POU6F2: variants seen among roughly 807,000 people sequenced by gnomAD.
The protein encoded by POU6F2 is POU domain, class 6, transcription factor 2.
In POU6F2, 31 loss-of-function variants were observed where a neutral mutation model predicts 71.3. The ratio of observed to expected loss-of-function variants is 0.43; its 90% CI spans 0.33 to 0.59. The LOEUF is 0.59. Among genes scored for constraint, POU6F2 ranks in the 20% least tolerant of loss-of-function variants. The pLI is 0.04. For missense variants in POU6F2, 783 were observed against 856.8 expected (o/e 0.91, Z 1.07); for synonymous variants, 347 against 355.7 (o/e 0.98, Z 0.27).
intron 4 of POU6F2, among the ~76,000 whole-genome samples, chr7:39,263,736 G>A (rs1784187532): frequency 6.6e-6 from 1 of 152,152 alleles, no homozygotes; most frequent in African/African-American, 2.4e-5. Context: ...ATTGCAACCT[G>A]ATAGAATGCA....
chr7:39,008,928 T>G (rs1385437802), intron 1 of POU6F2, among the ~76,000 whole-genome samples: 3 of 151,456 alleles, frequency 2.0e-5, no homozygotes, highest in African/African-American at 7.3e-5. Context: ...TACTGTAGCC[T>G]TGTAGTATAG....
At chr7:39,020,244 T>A (rs1398838066) in intron 1 of POU6F2, among the ~76,000 whole-genome samples, 4 of 152,178 alleles carry the variant, frequency 2.6e-5, no homozygotes, top group Non-Finnish European at 5.9e-5. Context: ...CATCTCTTTA[T>A]AATGCTGCAT....
chr7:39,373,596 C>G (rs931737126), intron 5 of POU6F2: 13 of 454,620 alleles, frequency 2.9e-5, no homozygotes, highest in Middle Eastern at 6.5e-4. Context: ...CCTACCTAGT[C>G]TAGCTAACTG....
intron 2 of POU6F2, among the ~76,000 whole-genome samples, chr7:39,103,301 G>A (rs11761599): frequency 0.11 from 16,902 of 152,188 alleles, 1,028 homozygotes; most frequent in Middle Eastern, 0.15. Context: ...TGGTAGCATC[G>A]CCTGTTGTAG....
At chr7:39,350,212 T>C (rs1326189306) in intron 5 of POU6F2, among the ~76,000 whole-genome samples, 3 of 152,206 alleles carry the variant, frequency 2.0e-5, no homozygotes, top group African/African-American at 7.2e-5. Flanking sequence ...CCTTTTTTTT[T>C]TTCTCAGCTG....
intron 5 of POU6F2, among the ~76,000 whole-genome samples, chr7:39,388,878 A>C (rs565607065): frequency 2.0e-5 from 3 of 152,356 alleles, no homozygotes; most frequent in African/African-American, 7.2e-5. Flanking sequence ...TAGGTGACAA[A>C]GTTCATGAGA....
At chr7:39,012,283 A>C (rs1176205430) in intron 1 of POU6F2, among the ~76,000 whole-genome samples, 1 of 151,912 alleles carries the variant, frequency 6.6e-6, no homozygotes, top group Non-Finnish European at 1.5e-5. Context: ...TTCATCTTCC[A>C]TTGCTGATAC....
rs571504283 is a variant in POU6F2 at position 39,271,582 on chromosome 7, C to G, written c.598+63962C>G. On this transcript the variant is annotated intron_variant, in intron 4 of 9. Coordinates refer to ENST00000518318, the MANE Select transcript of POU6F2 (RefSeq NM_001370959.1). ...GTGCCCGGGCCTGGCCGTTTGCCAG[C>G]AGAAGTGGTTCTGGCAGCTGTGTGA... is the stretch of plus-strand genomic sequence containing the variant. Among the ~76,000 whole-genome samples, 40 of 151,518 alleles carry G rather than the reference C, an allele frequency of 2.6e-4. No homozygotes were observed. In the South Asian group the frequency reaches 6.5e-3, roughly 25 times the overall value.
chr7:38,982,940 T>G (rs191071134), intron 1 of POU6F2, among the ~76,000 whole-genome samples: 1 of 152,086 alleles, frequency 6.6e-6, no homozygotes, highest in Non-Finnish European at 1.5e-5. Context: ...GAAGGATGTT[T>G]CTTCACTGAC....
chr7:39,442,178 G>A (rs571583475), intron 7 of POU6F2, among the ~76,000 whole-genome samples: 87 of 152,224 alleles, frequency 5.7e-4, no homozygotes, highest in African/African-American at 1.9e-3. Flanking sequence ...CCTACCATGT[G>A]TCTGGCATTG....
At chr7:39,003,087 C>A (rs1788958624) in intron 1 of POU6F2, among the ~76,000 whole-genome samples, 2 of 152,030 alleles carry the variant, frequency 1.3e-5, no homozygotes, top group African/African-American at 4.8e-5. Flanking sequence ...GTTAACCAGA[C>A]AAAGCAGATT....
At chr7:39,272,706 T>C (rs1784362799) in intron 4 of POU6F2, among the ~76,000 whole-genome samples, 1 of 152,206 alleles carries the variant, frequency 6.6e-6, no homozygotes, top group Non-Finnish European at 1.5e-5. Context: ...TGTGGGACTT[T>C]TGGATTCTTA....
At chr7:39,448,790 A>G (rs950062140) in intron 7 of POU6F2, among the ~76,000 whole-genome samples, 27 of 152,226 alleles carry the variant, frequency 1.8e-4, no homozygotes, top group African/African-American at 2.7e-4. Flanking sequence ...ACCGAAGACA[A>G]TCTAATGATT....
Position 39,450,762 on chromosome 7 carries a change from G to A in POU6F2, c.1321-771G>A, listed in dbSNP as rs879627306. On this transcript the variant is annotated intron_variant, in intron 7 of 9. Transcript: ENST00000518318. ...TCCAGAGACCAGCTCCTCCGCACTT[G>A]CTGGCTGAACCTATAAAATCCTTTA... 2.6e-5 allele frequency among the ~76,000 whole-genome samples: 4 copies of A among 152,298 alleles called. No individual in the cohort carries two copies. The East Asian group carries it at 7.7e-4, about 29-fold the overall frequency.
At chr7:39,411,595 ACTTAC>A (rs1257373680) in intron 6 of POU6F2, among the ~76,000 whole-genome samples, 1 of 152,182 alleles carries the variant, frequency 6.6e-6, no homozygotes, top group African/African-American at 2.4e-5. Flanking sequence ...AAGTAAAGAG[ACTTAC>A]CTAGTCAGGT....
At chr7:39,426,131 A>G (rs2237393) in intron 6 of POU6F2, among the ~76,000 whole-genome samples, 50,546 of 151,944 alleles carry the variant, frequency 0.33, 9,336 homozygotes, top group East Asian at 0.54. Context: ...AATGGTTCCC[A>G]TCCTGCTCCA....
At chr7:39,057,990 T>C (rs1790571107) in intron 1 of POU6F2, among the ~76,000 whole-genome samples, 1 of 152,180 alleles carries the variant, frequency 6.6e-6, no homozygotes, top group Admixed American at 6.5e-5. Context: ...CCAGAAATGT[T>C]AACAAACAGA....
intron 4 of POU6F2, among the ~76,000 whole-genome samples, chr7:39,241,362 A>G (rs1292553490): frequency 6.6e-6 from 1 of 152,150 alleles, no homozygotes; most frequent in Non-Finnish European, 1.5e-5. Context: ...ATAGAAACAA[A>G]TGGCATCAAG....
chr7:39,043,004 A>G (rs1790220585), intron 1 of POU6F2, among the ~76,000 whole-genome samples: 1 of 151,984 alleles, frequency 6.6e-6, no homozygotes, highest in African/African-American at 2.4e-5. Context: ...CTCACTGGGC[A>G]AGTGATTCTG....
Sources: gnomAD v4.1 joint callset for allele counts (sites outside exome capture counted in the v4.1 genomes callset) on GRCh38, gnomAD v4.1.1 for gene constraint, MANE v1.5 for transcripts, NCBI Gene and HGNC (gene_info 2026-07-23, HGNC 2026-07-21) for gene names.